The following SLC28A2 variants were observed in gnomAD, a reference collection of about 807,000 sequenced individuals.
The protein encoded by SLC28A2 is solute carrier family 28 member 2.
A neutral mutation model predicts 72.9 loss-of-function variants in SLC28A2; 69 were observed. That is an observed-to-expected ratio of 0.95 (90% CI 0.78 to 1.16). SLC28A2 has a LOEUF of 1.16. SLC28A2 is among the 50% of genes most tolerant of loss of function. SLC28A2 has a pLI of 0.00. For missense variants in SLC28A2, 745 were observed against 791.1 expected (o/e 0.94, Z 0.70); for synonymous variants, 296 against 294.1 (o/e 1.01, Z -0.07).
At chr15:45,254,217 G>A (rs1039523403) in intron 3 of SLC28A2, among the ~76,000 whole-genome samples, 3 of 134,198 alleles carry the variant, frequency 2.2e-5, no homozygotes, top group Non-Finnish European at 5.3e-5. Flanking sequence ...GAGTGCAGAA[G>A]TCATACACTA....
Position 45,275,307 on chromosome 15 carries a change from T to C in SLC28A2, c.1860-89T>C, listed in dbSNP as rs760086017. On this transcript the variant is annotated intron_variant, in intron 17 of 17. Coordinates refer to ENST00000347644, the MANE Select transcript of SLC28A2 (RefSeq NM_004212.4). The stretch of plus-strand genomic sequence containing the variant: ...GTCAATTTACAGGTTTTTGTTTTTG[T>C]TTTCAGCTGCTTAGTATAACTTATT... The C allele has an allele frequency of 5.2e-6, 4 of 764,586 alleles. No homozygotes were observed. The East Asian group carries it at 9.9e-5, about 19-fold the overall frequency. 47.4% of individuals were successfully genotyped at this position (764,586 alleles called of 1,614,324 possible).
intron 14 of SLC28A2, 52 bp from the exon 15 acceptor site, chr15:45,270,143 A>G (rs1900500652): frequency 8.2e-7 from 1 of 1,213,972 alleles, no homozygotes; most frequent in Admixed American, 1.7e-5. Context: ...TGATTATAAG[A>G]CCGCACGCAT....
intron 3 of SLC28A2, among the ~76,000 whole-genome samples, chr15:45,259,249 A>C (rs1025899371): frequency 4.6e-5 from 7 of 152,222 alleles, no homozygotes; most frequent in African/African-American, 7.2e-5. Flanking sequence ...TACATGTGTT[A>C]ATTAGCTTGA....
chr15:45,254,527 A>G (rs1899912459), intron 3 of SLC28A2, among the ~76,000 whole-genome samples: 1 of 152,210 alleles, frequency 6.6e-6, no homozygotes, highest in Non-Finnish European at 1.5e-5. Context: ...AGGATCCACC[A>G]TATAGCTTGG....
intron 3 of SLC28A2, chr15:45,254,979 G>A (rs1182652970): frequency 6.6e-6 from 1 of 152,122 alleles, no homozygotes; most frequent in Non-Finnish European, 1.5e-5. Flanking sequence ...CTCTCCACCG[G>A]GCTAGTGGCT....
At chr15:45,256,264 G>A (rs1321266657) in intron 3 of SLC28A2, among the ~76,000 whole-genome samples, 1 of 151,134 alleles carries the variant, frequency 6.6e-6, no homozygotes, top group African/African-American at 2.4e-5. Flanking sequence ...TGAATTGCTG[G>A]GCCCAAACAA....
chr15:45,265,676 CT>C lies in SLC28A2; in HGVS notation c.861+15del. On this transcript the variant is annotated intron_variant, in intron 9 of 17. Coordinates refer to ENST00000347644, the MANE Select transcript of SLC28A2 (RefSeq NM_004212.4). ...GGTAGTTCAGAAGGTGAGTCGTTCT[CT>C]TACACCAGTCAGGAGACAGGCCTTC... 1 of 1,571,402 alleles carries C rather than the reference CT, an allele frequency of 6.4e-7. No individual in the cohort carries two copies. Among genetic ancestry groups the C allele is most frequent in the Non-Finnish European group, 8.8e-7 (1 of 1,141,080 alleles).
chr15:45,267,889 A>G, intron 12 of SLC28A2, 93 bp downstream of exon 12: 2 of 1,419,532 alleles, frequency 1.4e-6, no homozygotes, highest in Non-Finnish European at 2.0e-6. Flanking sequence ...CCTGAGGGGG[A>G]ATAATGTGAT....
At chr15:45,272,266 C>A (rs1460099920) in intron 15 of SLC28A2, 29 bp from the exon 16 acceptor site, 2 of 1,593,724 alleles carry the variant, frequency 1.3e-6, no homozygotes, top group Admixed American at 1.7e-5. Context: ...TGGGGAAAAG[C>A]TGAAGTTATT....
At chr15:45,257,210 G>A (rs1900004076) in intron 3 of SLC28A2, among the ~76,000 whole-genome samples, 1 of 152,128 alleles carries the variant, frequency 6.6e-6, no homozygotes, top group Non-Finnish European at 1.5e-5. Flanking sequence ...GAGCAATCAT[G>A]TCCATGAAAC....
chr15:45,270,664 G>A (rs927550851), intron 15 of SLC28A2, among the ~76,000 whole-genome samples: 1 of 151,882 alleles, frequency 6.6e-6, no homozygotes, highest in Admixed American at 6.6e-5. Flanking sequence ...GTCTCACTCT[G>A]TTGCGCAGGC....
At chr15:45,267,822 G>T in intron 12 of SLC28A2, 26 bp downstream of exon 12, 1 of 1,613,146 alleles carries the variant, frequency 6.2e-7, no homozygotes, top group Non-Finnish European at 8.5e-7. Context: ...CATATACTTT[G>T]GGAGATGGTG....
At chr15:45,270,373 T>C in intron 15 of SLC28A2, 97 bp downstream of exon 15, 6 of 852,790 alleles carry the variant, frequency 7.0e-6, no homozygotes, top group Non-Finnish European at 8.0e-6. Flanking sequence ...TGGGATCAGA[T>C]AGAGAAGCCA....
rs1900784565 is a variant in SLC28A2, at chr15:45,277,497, A to G, written c.*1984A>G. The G allele has an allele frequency of 6.6e-6, 1 of 151,590 alleles. No individual in the cohort carries two copies. Among genetic ancestry groups the G allele is most frequent in the African/African-American group, 2.4e-5 (1 of 41,374 alleles). 9.4% of individuals were successfully genotyped at this position (151,590 alleles called of 1,614,324 possible). A position where few individuals can be genotyped will look rare whatever the true frequency, so the allele number is the denominator to read the frequency against. ...GGAATTTTATTCACCCATTAAAAAA[A>G]GAAGTACTGATTTATGCTATGTAGA... On this transcript the variant is annotated 3_prime_UTR_variant, in exon 18 of 18. Coordinates refer to ENST00000347644, the MANE Select transcript of SLC28A2 (RefSeq NM_004212.4).
intron 8 of SLC28A2, 95 bp from the exon 9 acceptor site, chr15:45,265,488 G>A (rs1900303410): frequency 1.2e-6 from 1 of 867,238 alleles, no homozygotes; most frequent in East Asian, 2.4e-5. Flanking sequence ...TACACTGTAT[G>A]AGATACCCTT....
chr15:45,266,205 T>C (rs760148109), intron 10 of SLC28A2, 44 bp downstream of exon 10: 1 of 1,377,018 alleles, frequency 7.3e-7, no homozygotes, highest in Admixed American at 1.7e-5. Context: ...TCTGAGGAAC[T>C]GAGAATTTGG....
chr15:45,273,402 A>C (rs1900651619), intron 17 of SLC28A2, among the ~76,000 whole-genome samples: 1 of 152,224 alleles, frequency 6.6e-6, no homozygotes, highest in African/African-American at 2.4e-5. Flanking sequence ...CATTAAGCTA[A>C]AAGAACTAGT....
intron 13 of SLC28A2, among the ~76,000 whole-genome samples, chr15:45,268,935 CAT>C (rs1900438819): frequency 6.8e-6 from 1 of 146,002 alleles, no homozygotes; most frequent in Admixed American, 7.3e-5. Flanking sequence ...CCAAACACCA[CAT>C]GTTCTCACTC....
rs1346047179 is a variant in SLC28A2, at chr15:45,265,773, G to A, written c.861+110G>A. ...TAGAGTGTTAGAAACAATGGGAAAAGGCAGGCCCTCTCAAGCATGCCTGAT... is the reference window on the plus strand; with the variant it reads ...TAGAGTGTTAGAAACAATGGGAAAAAGCAGGCCCTCTCAAGCATGCCTGAT... On this transcript the variant is annotated intron_variant, in intron 9 of 17. Transcript: ENST00000347644. 3 of 803,220 alleles carry A rather than the reference G, an allele frequency of 3.7e-6. No homozygotes were observed. The African/African-American group carries it at 5.0e-5, about 13-fold the overall frequency. The allele number at this position is 803,220 out of a possible 1,614,324, so 49.8% of individuals were successfully genotyped here. A position where few individuals can be genotyped will look rare whatever the true frequency, so the allele number is the denominator to read the frequency against.
Sources: gnomAD v4.1 joint callset for allele counts (sites outside exome capture counted in the v4.1 genomes callset) on GRCh38, gnomAD v4.1.1 for gene constraint, MANE v1.5 for transcripts, NCBI Gene and HGNC (gene_info 2026-07-23, HGNC 2026-07-21) for gene names.